The following DMXL1 variants were observed in gnomAD, a reference collection of about 807,000 sequenced individuals.
The protein encoded by DMXL1 is Dmx like 1.
Under a neutral mutation model 319.2 loss-of-function variants are expected in DMXL1, and 99 were observed. The ratio of observed to expected loss-of-function variants is 0.31; its 90% CI spans 0.26 to 0.37. The LOEUF is 0.37. Among genes scored for constraint, DMXL1 ranks in the 10% least tolerant of loss-of-function variants. The pLI is 1.00. For missense variants in DMXL1, 3,745 were observed against 3,595.6 expected, an observed-to-expected ratio of 1.04 and a Z score of -1.06; for synonymous variants, 1,385 against 1,235.2, an observed-to-expected ratio of 1.12 and a Z score of -2.54.
At chr5:119,094,474 A>G (rs188295717) in intron 1 of DMXL1, among the ~76,000 whole-genome samples, 163 of 152,370 alleles carry the variant, frequency 1.1e-3, no homozygotes, top group Non-Finnish European at 2.0e-3. Flanking sequence ...ATTGCTGTTC[A>G]TTGACAATGA....
Position 119,206,858 on chromosome 5 carries a change from A to G in DMXL1, c.7888A>G (p.Ile2630Val), listed in dbSNP as rs1235526922. 4 of 1,529,744 alleles carry G rather than the reference A, an allele frequency of 2.6e-6. No individual in the cohort carries two copies. The highest frequency in any genetic ancestry group is 1.2e-5 in the South Asian group (1 of 83,456). 94.8% of individuals were successfully genotyped at this position (1,529,744 alleles called of 1,614,324 possible). ...GTCATTAGAGGACAACAGTGAAACC[A>G]TCAAAAATTCTATGATGGAGGAGCC... ...NESLEDNSET[I>V]KNSMMEEPNI... Residue 2630 changes from isoleucine to valine, a missense_variant, in exon 34 of 44, where the codon ATC becomes GTC. Ile to Val is a conservative substitution (Grantham distance 29). Transcript: ENST00000539542.
intron 35 of DMXL1, among the ~76,000 whole-genome samples, chr5:119,217,736 T>C (rs1260926930): frequency 6.6e-6 from 1 of 152,192 alleles, no homozygotes; most frequent in Non-Finnish European, 1.5e-5. Context: ...GTTATGTAGA[T>C]ACATACCCTG....
intron 9 of DMXL1, among the ~76,000 whole-genome samples, chr5:119,125,046 A>T (rs1763212283): frequency 6.6e-6 from 1 of 152,228 alleles, no homozygotes; most frequent in Non-Finnish European, 1.5e-5. Context: ...CATATAATTT[A>T]ATCTCCTTTG....
intron 39 of DMXL1, among the ~76,000 whole-genome samples, chr5:119,234,559 A>G (rs1787374936): frequency 6.6e-6 from 1 of 152,170 alleles, no homozygotes; most frequent in Admixed American, 6.5e-5. Context: ...TGTGAAACAA[A>G]ATTTTGAGAG....
intron 25 of DMXL1, among the ~76,000 whole-genome samples, chr5:119,173,648 A>G (rs912670125): frequency 5.4e-5 from 8 of 148,212 alleles, no homozygotes; most frequent in African/African-American, 2.0e-4. Context: ...TGGATTCACC[A>G]AAGAAACAGA....
At chr5:119,089,295 T>TGCA (rs1754132556) in intron 1 of DMXL1, among the ~76,000 whole-genome samples, 1 of 64,096 alleles carries the variant, frequency 1.6e-5, no homozygotes, top group African/African-American at 6.7e-5. Context: ...TATATATATT[T>TGCA]TTTTTTTTTT....
chr5:119,239,133 TTTA>T (rs1788292462), intron 41 of DMXL1, 53 bp downstream of exon 41: 13 of 1,581,274 alleles, frequency 8.2e-6, no homozygotes, highest in Non-Finnish European at 1.1e-5. Context: ...TGAACTTTTT[TTTA>T]TTGTTTCTGT....
intron 38 of DMXL1, among the ~76,000 whole-genome samples, chr5:119,232,059 C>T (rs1786842777): frequency 6.6e-6 from 1 of 152,140 alleles, no homozygotes; most frequent in African/African-American, 2.4e-5. Flanking sequence ...AGGCACACTA[C>T]AGCTTTGAAC....
chr5:119,136,941 T>A (rs563993295), intron 13 of DMXL1, among the ~76,000 whole-genome samples: 2 of 152,344 alleles, frequency 1.3e-5, no homozygotes, highest in African/African-American at 4.8e-5. Flanking sequence ...GAGTCCCCAC[T>A]GGGGCCTCAT....
chr5:119,143,838 CAG>C lies in DMXL1; in HGVS notation c.2377-1_2377del, dbSNP rs756915951. 6 of 1,548,140 alleles carry C rather than the reference CAG, an allele frequency of 3.9e-6. No homozygotes were observed. Among genetic ancestry groups the C allele is most frequent in the African/African-American group, 2.8e-5 (2 of 71,416 alleles). On this transcript the variant is annotated splice_acceptor_variant, in intron 13 of 43. Coordinates refer to ENST00000539542, the MANE Select transcript of DMXL1 (RefSeq NM_001290321.3). LOFTEE classifies it high-confidence loss of function. ...AAATTATAAATTTTTTTAAAAAAAA[CAG>C]AAATATGTTGGTGAAGTCTTTAACA...
At chr5:119,164,715 T>G in intron 20 of DMXL1, 39 bp downstream of exon 20, 1 of 1,524,476 alleles carries the variant, frequency 6.6e-7, no homozygotes, top group East Asian at 2.3e-5. Flanking sequence ...AATTAATATT[T>G]TTTGGACGTT....
At chr5:119,174,863 G>A (rs996707756) in intron 25 of DMXL1, among the ~76,000 whole-genome samples, 5 of 152,246 alleles carry the variant, frequency 3.3e-5, no homozygotes, top group East Asian at 1.9e-4. Flanking sequence ...ATATTCTTCA[G>A]TGACCTGTCC....
chr5:119,184,771 T>C (rs1386971672), intron 28 of DMXL1, among the ~76,000 whole-genome samples: 5 of 152,326 alleles, frequency 3.3e-5, no homozygotes, highest in Non-Finnish European at 4.4e-5. Context: ...TTTCACCTAG[T>C]GTAATGTTCT....
chr5:119,164,457 T>C (rs1419600703), intron 19 of DMXL1, 50 bp from the exon 20 acceptor site: 1 of 1,484,666 alleles, frequency 6.7e-7, no homozygotes. Context: ...CTGATAATCA[T>C]ATAAGCATAT....
At chr5:119,122,446 C>G (rs1239313058) in intron 9 of DMXL1, among the ~76,000 whole-genome samples, 3 of 151,146 alleles carry the variant, frequency 2.0e-5, no homozygotes, top group Admixed American at 6.6e-5. Flanking sequence ...GGGGCTAACC[C>G]CCCCCACCTC....
rs146123394 is a variant in DMXL1, at chr5:119,178,002, C to G, written c.6893C>G (p.Thr2298Ser). 5,882 of 1,601,766 alleles carry G rather than the reference C, an allele frequency of 3.7e-3. 118 individuals are homozygous for G. The highest frequency in any genetic ancestry group is 0.034 in the Admixed American group (2,047 of 59,480). ...TGTTTGTTTGTCGTTCTAGGAATAACTTGTCTAATTCGACTTTTGAATTCT... is the reference window on the plus strand; with the variant it reads ...TGTTTGTTTGTCGTTCTAGGAATAAGTTGTCTAATTCGACTTTTGAATTCT... ...NTSPAQWPGITCLIRLLNSSG... is the reference protein window; with the variant it reads ...NTSPAQWPGISCLIRLLNSSG... The change falls in exon 28 of 44, where the codon ACT becomes AGT. Residue 2298 changes from threonine (T) to serine (S), a missense_variant. This residue lies in a region of DMXL1 where 1,382 missense variants were observed against 1,269.5 expected (regional missense o/e 1.09). Coordinates refer to ENST00000539542, the MANE Select transcript of DMXL1 (RefSeq NM_001290321.3).
intron 38 of DMXL1, among the ~76,000 whole-genome samples, chr5:119,225,477 C>T (rs1180719441): frequency 6.6e-6 from 1 of 151,714 alleles, no homozygotes; most frequent in Non-Finnish European, 1.5e-5. Flanking sequence ...AAGTTATGCC[C>T]TTCGTCAAAT....
intron 13 of DMXL1, among the ~76,000 whole-genome samples, chr5:119,134,687 C>A (rs575947658): frequency 6.6e-6 from 1 of 152,300 alleles, no homozygotes; most frequent in African/African-American, 2.4e-5. Flanking sequence ...TATATCGGCC[C>A]CCCTGCAATT....
At position 119,100,871 on chromosome 5, in the gene DMXL1, C is replaced by G. The variant is rs562267213; in HGVS notation, c.214-1064C>G. On this transcript the variant is annotated intron_variant, in intron 2 of 43. Transcript: ENST00000539542. Reference sequence around the variant, plus strand: ...CTCGGCTCACTGCAAGCTCCGCCTCCCGGGTTCACGCCATTCTCCTGCCTC... The same window carrying G: ...CTCGGCTCACTGCAAGCTCCGCCTCGCGGGTTCACGCCATTCTCCTGCCTC... 3.3e-5 allele frequency among the ~76,000 whole-genome samples: 5 copies of G among 150,686 alleles called. No individual in the cohort carries two copies. The East Asian group carries it at 9.8e-4, about 29-fold the overall frequency.
Sources: allele counts gnomAD v4.1 joint callset (sites outside exome capture counted in the v4.1 genomes callset), GRCh38; gene constraint gnomAD v4.1.1; regional missense constraint gnomAD v4.1.1; transcripts MANE v1.5; gene names NCBI Gene and HGNC (gene_info 2026-07-23, HGNC 2026-07-21).